CCDC183: variants seen among roughly 807,000 people sequenced by gnomAD.
The protein encoded by CCDC183 is coiled-coil domain containing 183, also known as coiled-coil domain-containing protein 183.
CCDC183 carries 63 observed loss-of-function variants against 65.2 expected under a neutral mutation model. That is an observed-to-expected ratio of 0.97 (90% CI 0.79 to 1.19). CCDC183 has a LOEUF of 1.19. CCDC183 is among the 50% of genes most tolerant of loss of function. The probability of loss-of-function intolerance (pLI) is 0.00; values close to 1 mark genes in which losing one functional copy is unlikely to be tolerated. For synonymous variants in CCDC183, 323 were observed against 276.5 expected, an observed-to-expected ratio of 1.17 and a Z score of -1.67; for missense variants, 769 against 689.3, an observed-to-expected ratio of 1.12 and a Z score of -1.30.
intron 2 of CCDC183, 66 bp from the exon 3 acceptor site, chr9:136,799,647 C>T: frequency 7.1e-7 from 1 of 1,408,920 alleles, no homozygotes; most frequent in African/African-American, 1.4e-5. Flanking sequence ...GGGAGAATGC[C>T]TGGAGGAGCC....
At chr9:136,798,656 C>T (rs1352669725) in intron 1 of CCDC183, among the ~76,000 whole-genome samples, 1 of 152,166 alleles carries the variant, frequency 6.6e-6, no homozygotes, top group Non-Finnish European at 1.5e-5. Flanking sequence ...ACAGACCCCC[C>T]TACTGCCCAC....
intron 2 of CCDC183, 27 bp downstream of exon 2, chr9:136,799,250 G>A (rs554590155): frequency 6.3e-7 from 1 of 1,575,110 alleles, no homozygotes. Flanking sequence ...CCTCCCCTCT[G>A]CCTGGCGAGC....
At chr9:136,802,845 T>A in intron 6 of CCDC183, 59 bp downstream of exon 6, 1 of 525,224 alleles carries the variant, frequency 1.9e-6, no homozygotes, top group Admixed American at 3.2e-5. Flanking sequence ...GATCTTCGGA[T>A]GGGGTCAAGG....
Position 136,802,663 on chromosome 9 carries a change from G to A in CCDC183, c.544-1G>A, listed in dbSNP as rs972858529. 1.9e-6 allele frequency: 3 copies of A among 1,609,680 alleles called. No homozygotes were observed. The highest frequency in any genetic ancestry group is 2.5e-6 in the Non-Finnish European group (3 of 1,178,200). Reference sequence around the variant, plus strand: ...CCACAAGAGAACCCCATTCAACACAGGTGCTGGCAGGATACCCCATTGAGC... The same window carrying A: ...CCACAAGAGAACCCCATTCAACACAAGTGCTGGCAGGATACCCCATTGAGC... On this transcript the variant is annotated splice_acceptor_variant, in intron 5 of 13. Transcript: ENST00000338005. LOFTEE classifies it high-confidence loss of function.
intron 2 of CCDC183, chr9:136,799,494 G>A: frequency 2.9e-6 from 2 of 682,638 alleles, no homozygotes; most frequent in Non-Finnish European, 4.8e-6. Context: ...CGGCCAGCTA[G>A]GGGACACCCA....
intron 1 of CCDC183, among the ~76,000 whole-genome samples, chr9:136,797,488 C>G (rs1847665535): frequency 1.3e-5 from 2 of 151,074 alleles, no homozygotes; most frequent in African/African-American, 2.4e-5. Flanking sequence ...GCCCAGACGG[C>G]AGTGCAGTGG....
chr9:136,806,016 T>C, intron 9 of CCDC183, 62 bp from the exon 10 acceptor site: 1 of 1,399,754 alleles, frequency 7.1e-7, no homozygotes, highest in Non-Finnish European at 9.7e-7. Context: ...ACCAGTTCTG[T>C]GAAGCCCCCT....
At chr9:136,799,314 C>G in intron 2 of CCDC183, 91 bp downstream of exon 2, 1 of 1,481,512 alleles carries the variant, frequency 6.7e-7, no homozygotes, top group Non-Finnish European at 9.0e-7. Flanking sequence ...CCTCTCCACC[C>G]CCACCCCAAT....
rs745534940 is a variant in CCDC183, at chr9:136,807,044, G to A, written c.1464G>A (p.Glu488=). 3.1e-6 allele frequency: 5 copies of A among 1,613,280 alleles called. No homozygotes were observed. The Admixed American group carries it at 8.3e-5, about 27-fold the overall frequency. The change falls in exon 13 of 14, where the codon GAG becomes GAA. Residue 488 remains glutamate (E), a synonymous_variant. Transcript: ENST00000338005. ...AGTACAACACCAGGATCAGCTTTGA[G>A]AACCGGGAGGAGGATATGATCGGTA... The part of the protein sequence containing the change: ...MEKYNTRISF[E]NREEDMIDTF...
chr9:136,806,376 T>A (rs1044314358), intron 10 of CCDC183, 128 bp from the exon 11 acceptor site: 1 of 1,404,482 alleles, frequency 7.1e-7, no homozygotes, highest in Admixed American at 2.0e-5. Flanking sequence ...GGACTCCACT[T>A]GCACACACCT....
Position 136,806,232 on chromosome 9 carries a change from C to A in CCDC183, c.1103C>A (p.Ser368Tyr). The A allele has an allele frequency of 6.3e-7, 1 of 1,591,064 alleles. No homozygotes were observed. The highest frequency in any genetic ancestry group is 2.3e-5 in the East Asian group (1 of 43,478). Residue 368 changes from serine (S) to tyrosine (Y), a missense_variant, in exon 10 of 14, where the codon TCC becomes TAC. Transcript: ENST00000338005. ...AVLKFRQKPS[S>Y]ISFKSVEKKM... ...CTCAAGTTCCGCCAGAAGCCTAGCT[C>A]CATCAGGTGCCCCGGGCTTCCGGGG...
At chr9:136,799,650 G>A (rs1847705104) in intron 2 of CCDC183, 63 bp from the exon 3 acceptor site, 1 of 1,430,644 alleles carries the variant, frequency 7.0e-7, no homozygotes, top group Non-Finnish European at 9.8e-7. Context: ...AGAATGCCTG[G>A]AGGAGCCAGC....
chr9:136,799,289 G>A lies in CCDC183; in HGVS notation c.192+66G>A, dbSNP rs1156655822. 6 of 1,518,892 alleles carry A rather than the reference G, an allele frequency of 4.0e-6. No homozygotes were observed. The East Asian group carries it at 1.1e-4, about 29-fold the overall frequency. The allele number at this position is 1,518,892 out of a possible 1,614,324, so 94.1% of individuals were successfully genotyped here. A position where few individuals can be genotyped will look rare whatever the true frequency, so the allele number is the denominator to read the frequency against. On this transcript the variant is annotated intron_variant, in intron 2 of 13. Transcript: ENST00000338005. ...GCAGGAGCTGAGTACACACACACTC[G>A]GAGGGCGGGCACCTCCTCTCCACCC...
Position 136,804,343 on chromosome 9 carries a change from AC to A in CCDC183, c.667-158del. On this transcript the variant is annotated intron_variant, in intron 6 of 13. Coordinates refer to ENST00000338005, the MANE Select transcript of CCDC183 (RefSeq NM_001039374.5). This position sits in a 1 kb window ranked among gnomAD's most constrained non-coding sequence, Gnocchi z 4.1. Reference sequence around the variant, plus strand: ...AAGGAGGGCCGTGAGCTGAGGGGCCACGGGCACAAGTGGTTTAGGAAAAGGG... The same window carrying A: ...AAGGAGGGCCGTGAGCTGAGGGGCCAGGGCACAAGTGGTTTAGGAAAAGGG... 2.0e-6 allele frequency: 2 copies of A among 996,754 alleles called. No individual in the cohort carries two copies. The highest frequency in any genetic ancestry group is 2.9e-6 in the Non-Finnish European group (2 of 698,180). 61.7% of individuals were successfully genotyped at this position (996,754 alleles called of 1,614,324 possible).
Position 136,799,223 on chromosome 9 carries a change from G to C in CCDC183, c.192G>C (p.Lys64Asn). Reference sequence around the variant, plus strand: ...CCCAGGACTGGGCTTTGGCCAAGAAGGTACACAAACGCCGCCCCTCCCCTC... The same window carrying C: ...CCCAGGACTGGGCTTTGGCCAAGAACGTACACAAACGCCGCCCCTCCCCTC... ...RGAQDWALAK[K>N]YDQWTISKAC... Residue 64 changes from lysine to asparagine, a missense_variant and splice_region_variant, in exon 2 of 14, where the codon AAG (lysine) becomes AAC (asparagine). Transcript: ENST00000338005. 1 of 1,599,028 alleles carries C rather than the reference G, an allele frequency of 6.3e-7. No individual in the cohort carries two copies. The highest frequency in any genetic ancestry group is 1.9e-4 in the Middle Eastern group (1 of 5,392).
intron 1 of CCDC183, among the ~76,000 whole-genome samples, chr9:136,797,250 T>C (rs1261724251): frequency 6.6e-6 from 1 of 152,164 alleles, no homozygotes; most frequent in East Asian, 1.9e-4. Context: ...TGATAAAGAT[T>C]CCTTTGCTCA....
chr9:136,804,092 T>G lies in CCDC183; in HGVS notation c.667-410T>G, dbSNP rs1588334345. ...GCGCTGGCAACGAGAGTGGCGAGGG[T>G]GAGAGCAGTGTCTGGGGTGCGTGAG... On this transcript the variant is annotated intron_variant, in intron 6 of 13. Transcript: ENST00000338005. This position sits in a 1 kb window ranked among gnomAD's most constrained non-coding sequence, Gnocchi z 4.1. The G allele has an allele frequency of 5.2e-6, 1 of 192,458 alleles. No individual in the cohort carries two copies. Among genetic ancestry groups the G allele is most frequent in the Non-Finnish European group, 1.1e-5 (1 of 91,742 alleles). The allele number at this position is 192,458 out of a possible 1,614,324, so 11.9% of individuals were successfully genotyped here. A position where few individuals can be genotyped will look rare whatever the true frequency, so the allele number is the denominator to read the frequency against.
intron 1 of CCDC183, among the ~76,000 whole-genome samples, chr9:136,798,508 G>C (rs1210947013): frequency 1.3e-5 from 2 of 151,992 alleles, no homozygotes; most frequent in Non-Finnish European, 2.9e-5. Flanking sequence ...TGTTGGCCAG[G>C]CTGGTCTCGA....
In CCDC183 at chr9:136,806,984, G is replaced by A. The variant is rs1269496612; in HGVS notation, c.1404G>A (p.Val468=). Residue 468 remains valine (V), a synonymous_variant, in exon 13 of 14, where the codon GTG becomes GTA. Coordinates refer to ENST00000338005, the MANE Select transcript of CCDC183 (RefSeq NM_001039374.5). ...TTGCCCTGCAGGGCGACACAAAGGT[G>A]AGGGACACCCTGGAGTCCTCGACTC... ...VSRTEEGDTK[V]RDTLESSTLM... is the part of the protein sequence containing the mutation. 1.9e-6 allele frequency: 3 copies of A among 1,613,622 alleles called. No homozygotes were observed. The highest frequency in any genetic ancestry group is 2.5e-6 in the Non-Finnish European group (3 of 1,180,044).
Sources: allele counts gnomAD v4.1 joint callset (sites outside exome capture counted in the v4.1 genomes callset), GRCh38; gene constraint gnomAD v4.1.1; non-coding constraint Gnocchi (gnomAD v3.1); transcripts MANE v1.5; gene names NCBI Gene and HGNC (gene_info 2026-07-23, HGNC 2026-07-21).